RBFOX3: variants seen among roughly 807,000 people sequenced by gnomAD.
RBFOX3 encodes the protein RNA binding fox-1 homolog 3.
RBFOX3 carries 17 observed loss-of-function variants against 48.7 expected under a neutral mutation model. That is an observed-to-expected ratio of 0.35 (90% CI 0.24 to 0.52). RBFOX3 has a LOEUF of 0.52. Ranked by LOEUF, RBFOX3 falls within the 20% of genes least tolerant of loss-of-function variation. The probability of loss-of-function intolerance (pLI) is 0.94; values close to 1 mark genes in which losing one functional copy is unlikely to be tolerated. For missense variants in RBFOX3, 382 were observed against 497.5 expected (o/e 0.77, Z 2.21); for synonymous variants, 212 against 209.5 (o/e 1.01, Z -0.10).
At chr17:79,117,564 C>T (rs977976602) in intron 4 of RBFOX3, among the ~76,000 whole-genome samples, 2 of 152,220 alleles carry the variant, frequency 1.3e-5, no homozygotes, top group Admixed American at 1.3e-4. Context: ...TGCCGGGCTC[C>T]TGTGTTCTCG....
At chr17:79,365,387 C>T (rs2057590173) in intron 2 of RBFOX3, among the ~76,000 whole-genome samples, 1 of 152,192 alleles carries the variant, frequency 6.6e-6, no homozygotes, top group Non-Finnish European at 1.5e-5. Flanking sequence ...AAATAGAAAG[C>T]TGCCTGGGCA....
chr17:79,305,518 G>A (rs117135050), intron 3 of RBFOX3, among the ~76,000 whole-genome samples: 1,977 of 152,218 alleles, frequency 0.013, 22 homozygotes, highest in South Asian at 0.027. Context: ...CCCCTTGTCC[G>A]CCTCCTCTGG....
chr17:79,303,673 G>A (rs148702929), intron 3 of RBFOX3, among the ~76,000 whole-genome samples: 1 of 152,086 alleles, frequency 6.6e-6, no homozygotes, highest in East Asian at 1.9e-4. Flanking sequence ...CCCCGAGAAT[G>A]GTTGCTAGGG....
chr17:79,426,228 C>T (rs542095864), intron 2 of RBFOX3, among the ~76,000 whole-genome samples: 1 of 152,246 alleles, frequency 6.6e-6, no homozygotes, highest in South Asian at 2.1e-4. Flanking sequence ...CCGGCAGCAT[C>T]CCAGTCCTTT....
intron 3 of RBFOX3, among the ~76,000 whole-genome samples, chr17:79,289,758 G>A (rs1421641638): frequency 6.6e-6 from 1 of 152,250 alleles, no homozygotes; most frequent in Admixed American, 6.5e-5. Flanking sequence ...TTATCTTTAT[G>A]TGTCAGGATT....
At chr17:79,376,843 T>C (rs539075303) in intron 2 of RBFOX3, among the ~76,000 whole-genome samples, 8 of 152,096 alleles carry the variant, frequency 5.3e-5, no homozygotes, top group Non-Finnish European at 1.2e-4. Context: ...ACAATCTGGT[T>C]TCTCAGGGTT....
chr17:79,097,201 C>A (rs902429616), intron 11 of RBFOX3, 91 bp downstream of exon 11: 2 of 1,153,656 alleles, frequency 1.7e-6, no homozygotes, highest in Non-Finnish European at 2.4e-6. Context: ...GAAAGGCTGC[C>A]TAGCCCCTCG....
At chr17:79,092,411 G>C in intron 14 of RBFOX3, 7 of 985,750 alleles carry the variant, frequency 7.1e-6, no homozygotes, top group Non-Finnish European at 7.2e-6. Context: ...CAGCACAGGT[G>C]GGGTGGGGAG....
At chr17:79,180,151 G>A (rs2051561839) in intron 4 of RBFOX3, among the ~76,000 whole-genome samples, 1 of 152,182 alleles carries the variant, frequency 6.6e-6, no homozygotes. Flanking sequence ...GGGCTGAGAA[G>A]ACAGAGGGAC....
chr17:79,407,793 C>A (rs756015388), intron 2 of RBFOX3, among the ~76,000 whole-genome samples: 1 of 152,160 alleles, frequency 6.6e-6, no homozygotes, highest in Admixed American at 6.5e-5. Flanking sequence ...GAATGCAAGG[C>A]GCCCTCTGAG....
chr17:79,487,915 A>AAAAAAAAAAAAAAAAAAAT, intron 1 of RBFOX3, among the ~76,000 whole-genome samples: 1 of 147,056 alleles, frequency 6.8e-6, no homozygotes, highest in African/African-American at 2.6e-5. Context: ...CCATCTCAGA[A>AAAAAAAAAAAAAAAAAAAT]AAAAAAAAAA....
At chr17:79,622,556 G>A in the RBFOX3 span, among the ~76,000 whole-genome samples, 1 of 152,234 alleles carries the variant, frequency 6.6e-6, no homozygotes, top group African/African-American at 2.4e-5. Context: ...AGACGTCCAA[G>A]ATGGAGATGT....
chr17:79,209,512 C>G (rs2058060187), intron 4 of RBFOX3, among the ~76,000 whole-genome samples: 1 of 152,216 alleles, frequency 6.6e-6, no homozygotes, highest in Non-Finnish European at 1.5e-5. Flanking sequence ...CTCTCATTCC[C>G]CATACTGGGG....
intron 4 of RBFOX3, among the ~76,000 whole-genome samples, chr17:79,201,683 T>C (rs1005322882): frequency 3.9e-5 from 6 of 152,194 alleles, no homozygotes; most frequent in Non-Finnish European, 8.8e-5. Context: ...CATAACACTC[T>C]TGCCCCTCGG....
intron 3 of RBFOX3, among the ~76,000 whole-genome samples, chr17:79,300,962 GCTGACGCAGGGCC>G (rs2075217435): frequency 6.6e-6 from 1 of 152,166 alleles, no homozygotes; most frequent in Admixed American, 6.5e-5. Flanking sequence ...GGATGCCAGG[GCTGACGCAGGGCC>G]CTGACTCCGG....
At chr17:79,165,325 G>A (rs1174234537) in intron 4 of RBFOX3, among the ~76,000 whole-genome samples, 1 of 152,208 alleles carries the variant, frequency 6.6e-6, no homozygotes, top group Non-Finnish European at 1.5e-5. Context: ...AGTCTAATTA[G>A]GTCTAATTAA....
chr17:79,642,643 A>G, the RBFOX3 span, among the ~76,000 whole-genome samples: 1 of 152,228 alleles, frequency 6.6e-6, no homozygotes, highest in Non-Finnish European at 1.5e-5. Context: ...AAGTCTAGAT[A>G]AAGTAAAAAG....
intron 3 of RBFOX3, among the ~76,000 whole-genome samples, chr17:79,282,444 C>A (rs1416148128): frequency 6.6e-6 from 1 of 152,204 alleles, no homozygotes; most frequent in Non-Finnish European, 1.5e-5. Flanking sequence ...TGAAAAATGA[C>A]GAGAGTGAAT....
chr17:79,592,079 G>C (rs2093435355), intron 1 of RBFOX3, among the ~76,000 whole-genome samples: 1 of 150,842 alleles, frequency 6.6e-6, no homozygotes, highest in African/African-American at 2.4e-5. Context: ...GGAGTATTTT[G>C]TGTGCACATA....
Sources: allele counts gnomAD v4.1 joint callset (sites outside exome capture counted in the v4.1 genomes callset), GRCh38; gene constraint gnomAD v4.1.1; transcripts MANE v1.5; gene names NCBI Gene and HGNC (gene_info 2026-07-23, HGNC 2026-07-21).